Variants in CLRN3 observed in about 807,000 individuals in gnomAD.
CLRN3 encodes clarin-3.
A neutral mutation model predicts 16.7 loss-of-function variants in CLRN3; 12 were observed. The ratio of observed to expected loss-of-function variants is 0.72; its 90% CI spans 0.46 to 1.16. CLRN3 has a LOEUF of 1.16. Ranked by LOEUF, CLRN3 falls within the 50% of genes most tolerant of loss-of-function variation. The pLI, the probability that CLRN3 is intolerant of heterozygous loss-of-function variation, is 0.00. For missense variants in CLRN3, 296 were observed against 274.2 expected, an observed-to-expected ratio of 1.08 and a Z score of -0.56; for synonymous variants, 118 against 113.0, an observed-to-expected ratio of 1.04 and a Z score of -0.28.
At position 127,878,407 on chromosome 10, in the gene CLRN3, A is replaced by G; in HGVS notation, c.423T>C (p.Phe141=). 6.2e-7 allele frequency: 1 copy of G among 1,613,594 alleles called. No individual in the cohort carries two copies. The highest frequency in any genetic ancestry group is 8.5e-7 in the Non-Finnish European group (1 of 1,179,496). Residue 141 remains phenylalanine, a synonymous_variant, in exon 3 of 3, where the codon TTT becomes TTC. Transcript: ENST00000368671. ...TCGCCACAAACAGTATCATGGTCAC[A>G]AAAACGAAGGATGCTGAAAGGAAGA... ...TWNGLGASFV[F]VTMILFVANT...
At position 127,892,776 on chromosome 10, in the gene CLRN3, G is replaced by C. The variant is rs956068740; in HGVS notation, c.9C>G (p.Thr3=). The C allele has an allele frequency of 5.6e-6, 9 of 1,603,498 alleles. No individual in the cohort carries two copies. Among genetic ancestry groups the C allele is most frequent in the Non-Finnish European group, 3.4e-6 (4 of 1,172,142 alleles). Residue 3 remains threonine, a synonymous_variant, in exon 1 of 3, where the codon ACC becomes ACG. Transcript: ENST00000368671. ...ATAAGAACATCAATGTCTTCTTTGT[G>C]GTAGGCATTTTCACAGGAAAATAAG... MP[T]TKKTLMFLSS...
chr10:127,883,020 A>G (rs979685297), intron 2 of CLRN3, among the ~76,000 whole-genome samples: 1 of 152,126 alleles, frequency 6.6e-6, no homozygotes, highest in Non-Finnish European at 1.5e-5. Context: ...CAAAGCTGGG[A>G]CCCGCTTCCC....
intron 1 of CLRN3, among the ~76,000 whole-genome samples, chr10:127,885,861 T>C (rs1297838063): frequency 6.6e-6 from 1 of 152,020 alleles, no homozygotes; most frequent in African/African-American, 2.4e-5. Context: ...GTTCAAGCAA[T>C]TGTCCTTCCT....
chr10:127,890,279 A>T (rs1325368277), intron 1 of CLRN3, among the ~76,000 whole-genome samples: 2 of 152,188 alleles, frequency 1.3e-5, no homozygotes, highest in Non-Finnish European at 2.9e-5. Context: ...TTTCATCTGG[A>T]TGTTGGACAA....
At chr10:127,889,792 C>T (rs1845238376) in intron 1 of CLRN3, among the ~76,000 whole-genome samples, 1 of 152,194 alleles carries the variant, frequency 6.6e-6, no homozygotes, top group Middle Eastern at 3.2e-3. Context: ...TCATGTTTGC[C>T]AGTGTGAGGA....
At position 127,880,867 on chromosome 10, in the gene CLRN3, C is replaced by G. The variant is rs564382267; in HGVS notation, c.410-2447G>C. ...GGCCCCAGGACTCCCAGAAGTCAGT[C>G]TGATCATGCTGTCCCACAGCCATGA... On this transcript the variant is annotated intron_variant, in intron 2 of 2. Coordinates refer to ENST00000368671, the MANE Select transcript of CLRN3 (RefSeq NM_152311.5). Among the ~76,000 whole-genome samples the G allele has an allele frequency of 3.1e-4, 47 of 152,268 alleles. No homozygotes were observed. In the South Asian group the frequency reaches 3.7e-3, roughly 12 times the overall value.
chr10:127,888,325 G>GCCC (rs1259065091), intron 1 of CLRN3, among the ~76,000 whole-genome samples: 2 of 152,136 alleles, frequency 1.3e-5, no homozygotes, highest in African/African-American at 4.8e-5. Context: ...AGGGAGAAGT[G>GCCC]GCCTGAGCTT....
At chr10:127,890,002 AC>A (rs1211377721) in intron 1 of CLRN3, among the ~76,000 whole-genome samples, 2 of 152,036 alleles carry the variant, frequency 1.3e-5, no homozygotes, top group East Asian at 3.9e-4. Flanking sequence ...ATTTCCCCCA[AC>A]CCCCTTGCTT....
At chr10:127,885,435 C>G (rs1845182072) in intron 1 of CLRN3, among the ~76,000 whole-genome samples, 1 of 152,224 alleles carries the variant, frequency 6.6e-6, no homozygotes, top group Non-Finnish European at 1.5e-5. Context: ...GGCAGCCTTT[C>G]CAAATATTTG....
At chr10:127,885,261 G>C (rs1275556452) in intron 1 of CLRN3, among the ~76,000 whole-genome samples, 1 of 152,116 alleles carries the variant, frequency 6.6e-6, no homozygotes, top group Non-Finnish European at 1.5e-5. Flanking sequence ...GGGCACCCAT[G>C]GGAGGGGTCA....
intron 2 of CLRN3, among the ~76,000 whole-genome samples, chr10:127,879,268 T>C (rs1301797707): frequency 6.6e-6 from 1 of 152,092 alleles, no homozygotes; most frequent in African/African-American, 2.4e-5. Flanking sequence ...GCCACCATGC[T>C]TGACTAATTT....
At chr10:127,889,919 A>G (rs950478492) in intron 1 of CLRN3, among the ~76,000 whole-genome samples, 2 of 152,004 alleles carry the variant, frequency 1.3e-5, no homozygotes, top group South Asian at 4.2e-4. Flanking sequence ...GTGGGTGTCC[A>G]CAGTGTGAGC....
At chr10:127,880,124 G>A (rs186794555) in intron 2 of CLRN3, among the ~76,000 whole-genome samples, 8 of 152,214 alleles carry the variant, frequency 5.3e-5, no homozygotes, top group Admixed American at 3.9e-4. Flanking sequence ...TAATTTGTCC[G>A]TACAAAAGCC....
chr10:127,890,303 A>C (rs1348085700), intron 1 of CLRN3, among the ~76,000 whole-genome samples: 1 of 152,182 alleles, frequency 6.6e-6, no homozygotes, highest in African/African-American at 2.4e-5. Context: ...AGGATGCAGC[A>C]AGTCAGCCTG....
intron 2 of CLRN3, among the ~76,000 whole-genome samples, chr10:127,881,019 G>A (rs1021798021): frequency 7.9e-5 from 12 of 152,110 alleles, no homozygotes; most frequent in African/African-American, 2.9e-4. Context: ...AACCCCCAAA[G>A]GGCTACTTTG....
At chr10:127,888,479 T>C (rs1334517006) in intron 1 of CLRN3, among the ~76,000 whole-genome samples, 5 of 152,258 alleles carry the variant, frequency 3.3e-5, no homozygotes, top group African/African-American at 1.2e-4. Context: ...TTATGAATTC[T>C]GGAGAAATAA....
At chr10:127,886,728 AT>A (rs1845199226) in intron 1 of CLRN3, among the ~76,000 whole-genome samples, 1 of 152,228 alleles carries the variant, frequency 6.6e-6, no homozygotes, top group Non-Finnish European at 1.5e-5. Flanking sequence ...AGGACGATGA[AT>A]TCACCACCCT....
At chr10:127,887,742 C>A (rs1162297630) in intron 1 of CLRN3, among the ~76,000 whole-genome samples, 1 of 152,172 alleles carries the variant, frequency 6.6e-6, no homozygotes, top group Non-Finnish European at 1.5e-5. Context: ...GGAAAGTTAC[C>A]AAGAATGAAA....
At chr10:127,881,248 T>C (rs140975301) in intron 2 of CLRN3, among the ~76,000 whole-genome samples, 204 of 152,322 alleles carry the variant, frequency 1.3e-3, no homozygotes, top group African/African-American at 4.4e-3. Context: ...AGGAATTCCC[T>C]CTCCGTCCAA....
Sources: allele counts gnomAD v4.1 joint callset (sites outside exome capture counted in the v4.1 genomes callset), GRCh38; gene constraint gnomAD v4.1.1; transcripts MANE v1.5; gene names NCBI Gene and HGNC (gene_info 2026-07-23, HGNC 2026-07-21).